Variants in SHQ1 observed in about 807,000 individuals in gnomAD.
The protein encoded by SHQ1 is protein SHQ1 homolog.
SHQ1 carries 49 observed loss-of-function variants against 53.8 expected under a neutral mutation model. That is an observed-to-expected ratio of 0.91 (90% CI 0.72 to 1.16). SHQ1 has a LOEUF of 1.16. Among genes scored for constraint, SHQ1 ranks in the 50% most tolerant of loss-of-function variants. The pLI is 0.00. For synonymous variants in SHQ1, 243 were observed against 251.0 expected (o/e 0.97, Z 0.30); for missense variants, 738 against 683.1 (o/e 1.08, Z -0.90).
chr3:72,803,938 A>G (rs758167438), intron 9 of SHQ1, among the ~76,000 whole-genome samples: 5 of 152,080 alleles, frequency 3.3e-5, no homozygotes, highest in Non-Finnish European at 7.4e-5. Flanking sequence ...CTTGTTAGAG[A>G]CAAGGTCTTA....
At chr3:72,819,302 GCTTGT>G (rs1343062224) in intron 6 of SHQ1, among the ~76,000 whole-genome samples, 3 of 152,112 alleles carry the variant, frequency 2.0e-5, no homozygotes, top group Non-Finnish European at 2.9e-5. Flanking sequence ...CTATTGGATG[GCTTGT>G]CTTGTCAAAT....
the SHQ1 span, among the ~76,000 whole-genome samples, chr3:72,739,021 C>T: frequency 6.6e-6 from 1 of 152,216 alleles, no homozygotes; most frequent in East Asian, 1.9e-4. Flanking sequence ...GTGGACGATG[C>T]CGCGGATTAG....
chr3:72,842,879 T>C lies in SHQ1; in HGVS notation c.209-477A>G, dbSNP rs567380172. ...TCATGAGGTCAAGAGATCAACACCA[T>C]CCTGGCCAACATGGTGAAACCCCAT... is the stretch of plus-strand genomic sequence containing the variant. On this transcript the variant is annotated intron_variant, in intron 2 of 10. Coordinates refer to ENST00000325599, the MANE Select transcript of SHQ1 (RefSeq NM_018130.3). 1.9e-3 allele frequency among the ~76,000 whole-genome samples: 295 copies of C among 152,128 alleles called. 2 individuals are homozygous for C. The highest frequency in any genetic ancestry group is 6.7e-3 in the African/African-American group (278 of 41,522).
intron 10 of SHQ1, among the ~76,000 whole-genome samples, chr3:72,788,522 G>A (rs954911061): frequency 1.3e-4 from 19 of 151,608 alleles, no homozygotes; most frequent in African/African-American, 3.4e-4. Context: ...CTGCCCTGCC[G>A]CCCCGTCGGG....
the SHQ1 span, among the ~76,000 whole-genome samples, chr3:72,728,672 T>C: frequency 6.6e-6 from 1 of 152,172 alleles, no homozygotes; most frequent in Non-Finnish European, 1.5e-5. Flanking sequence ...TGGGGTAAAG[T>C]ATTTCACCTG....
rs529823834 is a variant in SHQ1, at chr3:72,799,277, A to G, written c.1061-6241T>C. Among the ~76,000 whole-genome samples, 304 of 152,352 alleles carry G rather than the reference A, an allele frequency of 2.0e-3. 2 individuals are homozygous for G. Among genetic ancestry groups the G allele is most frequent in the African/African-American group, 6.7e-3 (279 of 41,576 alleles). On this transcript the variant is annotated intron_variant, in intron 9 of 10. Transcript: ENST00000325599. Reference sequence around the variant, plus strand: ...TAAAATCATCTGAAAATAACAGCCAACATTACTATCATTTAAAATACAAAA... The same window carrying G: ...TAAAATCATCTGAAAATAACAGCCAGCATTACTATCATTTAAAATACAAAA...
At chr3:72,744,168 C>G in the SHQ1 span, among the ~76,000 whole-genome samples, 1 of 152,326 alleles carries the variant, frequency 6.6e-6, no homozygotes, top group South Asian at 2.1e-4. Flanking sequence ...ATCACTATTT[C>G]AGACCAAGCC....
At chr3:72,746,724 A>T (rs1207741519), downstream of SHQ1, among the ~76,000 whole-genome samples, 4 of 152,232 alleles carry the variant, frequency 2.6e-5, no homozygotes, top group Non-Finnish European at 5.9e-5. Flanking sequence ...TCACTGAAGT[A>T]GATCCTGTCA....
chr3:72,814,662 C>T (rs1707251164), intron 8 of SHQ1: 1 of 152,128 alleles, frequency 6.6e-6, no homozygotes, highest in Non-Finnish European at 1.5e-5. Context: ...TTTAAAGTTT[C>T]TGCTTTTAAT....
chr3:72,810,386 A>G (rs1317040748), intron 9 of SHQ1, among the ~76,000 whole-genome samples: 1 of 152,238 alleles, frequency 6.6e-6, no homozygotes, highest in Non-Finnish European at 1.5e-5. Flanking sequence ...GCTACTGTGA[A>G]GTCACATGAG....
intron 5 of SHQ1, among the ~76,000 whole-genome samples, chr3:72,824,802 T>TA (rs1159470572): frequency 4.0e-5 from 6 of 150,676 alleles, no homozygotes; most frequent in African/African-American, 1.5e-4. Context: ...TTTTTTTTTT[T>TA]TAACTTTTTT....
At chr3:72,754,214 G>C (rs1401897139) in intron 10 of SHQ1, among the ~76,000 whole-genome samples, 1 of 152,054 alleles carries the variant, frequency 6.6e-6, no homozygotes, top group Non-Finnish European at 1.5e-5. Flanking sequence ...TACAGATGAG[G>C]GAACTAGAGC....
chr3:72,835,079 A>C (rs1420684656), intron 4 of SHQ1, among the ~76,000 whole-genome samples: 1 of 149,540 alleles, frequency 6.7e-6, no homozygotes, highest in Non-Finnish European at 1.5e-5. Flanking sequence ...GCAGCCCCAC[A>C]TCATAATACC....
At chr3:72,746,096 G>T (rs1051421111), downstream of SHQ1, among the ~76,000 whole-genome samples, 1 of 152,118 alleles carries the variant, frequency 6.6e-6, no homozygotes, top group African/African-American at 2.4e-5. Flanking sequence ...GTCTGCCTCG[G>T]CCTCCCAAAG....
At chr3:72,745,457 T>C (rs982024861), downstream of SHQ1, among the ~76,000 whole-genome samples, 3 of 152,144 alleles carry the variant, frequency 2.0e-5, no homozygotes, top group Admixed American at 6.6e-5. Context: ...AGACAGAACA[T>C]AGAAAAATAG....
Position 72,832,405 on chromosome 3 carries a change from G to A in SHQ1, c.563C>T (p.Ala188Val). Residue 188 changes from alanine (A) to valine (V), a missense_variant, in exon 5 of 11, where the codon GCC becomes GTC. By Grantham distance (64) the Ala-to-Val change is moderately conservative. Transcript: ENST00000325599. Reference sequence around the variant, plus strand: ...AGGATCAAACTTGGCCAGCTCAGCGGCCAGGCGCTTCTGTCTTCGTTCAGC... The same window carrying A: ...AGGATCAAACTTGGCCAGCTCAGCGACCAGGCGCTTCTGTCTTCGTTCAGC... ...PAAERRQKRLAAELAKFDPDH... is the reference protein window; with the variant it reads ...PAAERRQKRLVAELAKFDPDH... 1 of 1,612,622 alleles carries A rather than the reference G, an allele frequency of 6.2e-7. No individual in the cohort carries two copies. The highest frequency in any genetic ancestry group is 2.0e-4 in the Middle Eastern group (1 of 4,950).
chr3:72,824,695 C>T, intron 5 of SHQ1, 144 bp from the exon 6 acceptor site: 1 of 1,006,830 alleles, frequency 9.9e-7, no homozygotes, highest in Non-Finnish European at 1.4e-6. Flanking sequence ...ACTATATTTA[C>T]TTTCTTTGTA....
chr3:72,731,426 C>T, the SHQ1 span, among the ~76,000 whole-genome samples: 3 of 151,570 alleles, frequency 2.0e-5, no homozygotes, highest in African/African-American at 7.3e-5. Context: ...TGGCACATGC[C>T]TGTAATCCTA....
At chr3:72,835,395 T>C (rs762880893) in intron 4 of SHQ1, among the ~76,000 whole-genome samples, 6 of 152,316 alleles carry the variant, frequency 3.9e-5, no homozygotes, top group African/African-American at 1.2e-4. Flanking sequence ...TGTTACTCAC[T>C]GGCAAACTTC....
Sources: gnomAD v4.1 joint callset for allele counts (sites outside exome capture counted in the v4.1 genomes callset) on GRCh38, gnomAD v4.1.1 for gene constraint, MANE v1.5 for transcripts, NCBI Gene and HGNC (gene_info 2026-07-23, HGNC 2026-07-21) for gene names.